FRMD4A: variants seen among roughly 807,000 people sequenced by gnomAD.
The protein encoded by FRMD4A is FERM domain-containing protein 4A.
Under a neutral mutation model 129.1 loss-of-function variants are expected in FRMD4A, and 29 were observed. The ratio of observed to expected loss-of-function variants is 0.22; its 90% CI spans 0.17 to 0.31. FRMD4A has a LOEUF of 0.31. Among genes scored for constraint, FRMD4A ranks in the 10% least tolerant of loss-of-function variants. FRMD4A has a pLI of 1.00. For synonymous variants in FRMD4A, 634 were observed against 571.6 expected, an observed-to-expected ratio of 1.11 and a Z score of -1.56; for missense variants, 1,272 against 1,375.8, an observed-to-expected ratio of 0.92 and a Z score of 1.19.
At chr10:14,012,881 G>A (rs2095686930) in intron 2 of FRMD4A, among the ~76,000 whole-genome samples, 1 of 152,146 alleles carries the variant, frequency 6.6e-6, no homozygotes, top group Non-Finnish European at 1.5e-5. Context: ...GCCACTTGCT[G>A]GCACTAAATA....
At chr10:14,177,115 G>T (rs541819081) in intron 2 of FRMD4A, among the ~76,000 whole-genome samples, 1 of 152,162 alleles carries the variant, frequency 6.6e-6, no homozygotes, top group African/African-American at 2.4e-5. Context: ...TTCATGAACA[G>T]GTTTGCACTG....
At chr10:14,140,098 G>C (rs1164960279) in intron 2 of FRMD4A, among the ~76,000 whole-genome samples, 1 of 152,126 alleles carries the variant, frequency 6.6e-6, no homozygotes, top group Non-Finnish European at 1.5e-5. Flanking sequence ...ATCTCACTCT[G>C]TTACCCAGGC....
chr10:13,810,075 GAC>G (rs746300135), intron 4 of FRMD4A, among the ~76,000 whole-genome samples: 30 of 151,302 alleles, frequency 2.0e-4, no homozygotes, highest in Admixed American at 1.5e-3. Context: ...AGATCTGGAA[GAC>G]AGAGAGAGAG....
intron 2 of FRMD4A, among the ~76,000 whole-genome samples, chr10:14,227,415 C>T (rs1843482317): frequency 6.6e-6 from 1 of 151,846 alleles, no homozygotes; most frequent in Admixed American, 6.6e-5. Context: ...CTAACCCCGG[C>T]TAATTTTTGT....
At chr10:13,654,900 C>T (rs955028908) in intron 22 of FRMD4A, 4 of 207,322 alleles carry the variant, frequency 1.9e-5, no homozygotes, top group South Asian at 3.0e-4. Context: ...AGGGCTCATA[C>T]AGGGAGGGCA....
At chr10:13,789,929 G>T (rs567942140) in intron 5 of FRMD4A, among the ~76,000 whole-genome samples, 1 of 152,024 alleles carries the variant, frequency 6.6e-6, no homozygotes, top group African/African-American at 2.4e-5. Context: ...TATGAGCAAG[G>T]ATCAGATGAG....
intron 2 of FRMD4A, among the ~76,000 whole-genome samples, chr10:14,312,258 A>T (rs1846575335): frequency 1.3e-5 from 2 of 152,234 alleles, no homozygotes; most frequent in South Asian, 4.1e-4. Context: ...AATTCTGTAG[A>T]CATTTAATGC....
chr10:13,806,421 T>A (rs1162528114), intron 4 of FRMD4A, among the ~76,000 whole-genome samples: 1 of 152,224 alleles, frequency 6.6e-6, no homozygotes, highest in Admixed American at 6.5e-5. Context: ...TTACCCTATT[T>A]GTACACCTGG....
intron 2 of FRMD4A, among the ~76,000 whole-genome samples, chr10:13,915,317 G>T (rs2094988541): frequency 6.6e-6 from 1 of 152,008 alleles, no homozygotes; most frequent in African/African-American, 2.4e-5. Context: ...TTCGAGATTA[G>T]ATGTGTTAAG....
At chr10:14,139,873 C>A (rs1839747110) in intron 2 of FRMD4A, among the ~76,000 whole-genome samples, 1 of 151,986 alleles carries the variant, frequency 6.6e-6, no homozygotes, top group African/African-American at 2.4e-5. Context: ...TAATTTTTTT[C>A]TTTACCTTTG....
rs749166490 is a variant in FRMD4A, at chr10:13,656,820, G to C, written c.2769C>G (p.Ala923=). Residue 923 remains alanine (A), a synonymous_variant, in exon 22 of 25, where the codon GCC becomes GCG. Transcript: ENST00000357447. ...ACCACTGGCGCAGCTCGTCTGAGAC[G>C]GCGGCACGGCCCGCGCCCTTGTCGT... ...GAHDKGAGRA[A]VSDELRQWYQ... is the part of the protein sequence containing the mutation. 1 of 1,573,894 alleles carries C rather than the reference G, an allele frequency of 6.4e-7. No individual in the cohort carries two copies. The highest frequency in any genetic ancestry group is 8.6e-7 in the Non-Finnish European group (1 of 1,163,214).
intron 2 of FRMD4A, among the ~76,000 whole-genome samples, chr10:13,988,404 A>T (rs902884281): frequency 6.6e-6 from 1 of 152,226 alleles, no homozygotes; most frequent in Non-Finnish European, 1.5e-5. Flanking sequence ...GAATGCTTTC[A>T]GACAGGGACA....
chr10:14,079,452 C>A (rs995366510), intron 2 of FRMD4A, among the ~76,000 whole-genome samples: 2 of 152,196 alleles, frequency 1.3e-5, no homozygotes, highest in Non-Finnish European at 2.9e-5. Context: ...ACAAAAATGA[C>A]CGAAGTGTTT....
chr10:14,100,643 G>A (rs1837254657), intron 2 of FRMD4A, among the ~76,000 whole-genome samples: 1 of 152,010 alleles, frequency 6.6e-6, no homozygotes. Context: ...TATGAGAAAA[G>A]CCAATCTGTT....
Position 14,026,268 on chromosome 10 carries a change from T to A in FRMD4A, c.46-167356A>T, listed in dbSNP as rs538814478. 4.6e-5 allele frequency among the ~76,000 whole-genome samples: 7 copies of A among 152,338 alleles called. No homozygotes were observed. In the East Asian group the frequency reaches 9.6e-4, roughly 21 times the overall value. ...TCCATTTTAGTATCTCTCTGTGAAT[T>A]TTCTTTTCCCAGAGGAGATAGACAC... On this transcript the variant is annotated intron_variant, in intron 2 of 24. Coordinates refer to ENST00000357447, the MANE Select transcript of FRMD4A (RefSeq NM_018027.5).
chr10:14,229,642 T>A (rs977824939), intron 2 of FRMD4A, among the ~76,000 whole-genome samples: 3 of 152,134 alleles, frequency 2.0e-5, no homozygotes, highest in African/African-American at 7.2e-5. Context: ...TCTCAGTAAG[T>A]TGCCCAGGCT....
intron 12 of FRMD4A, chr10:13,712,144 A>G (rs188344937): frequency 3.3e-5 from 5 of 152,326 alleles, no homozygotes; most frequent in African/African-American, 7.2e-5. Context: ...AGTTTTCTAT[A>G]CAGCAATGCT....
intron 15 of FRMD4A, among the ~76,000 whole-genome samples, chr10:13,680,823 G>A (rs1280715661): frequency 2.0e-5 from 3 of 152,000 alleles, no homozygotes; most frequent in Admixed American, 2.0e-4. Flanking sequence ...GAGGTGGGAG[G>A]ACTGCTTGAG....
chr10:13,970,040 A>C (rs1254404428), intron 2 of FRMD4A, among the ~76,000 whole-genome samples: 1 of 152,206 alleles, frequency 6.6e-6, no homozygotes, highest in Admixed American at 6.5e-5. Flanking sequence ...CAAACCAGCC[A>C]CATTACTGCT....
Sources: allele counts gnomAD v4.1 joint callset (sites outside exome capture counted in the v4.1 genomes callset), GRCh38; gene constraint gnomAD v4.1.1; transcripts MANE v1.5; gene names NCBI Gene and HGNC (gene_info 2026-07-23, HGNC 2026-07-21).